The following PDE4C variants were observed in gnomAD, a reference collection of about 807,000 sequenced individuals.
PDE4C encodes 3',5'-cyclic-AMP phosphodiesterase 4C.
A neutral mutation model predicts 63.9 loss-of-function variants in PDE4C; 50 were observed. The ratio of observed to expected loss-of-function variants is 0.78; its 90% CI spans 0.62 to 0.99. PDE4C has a LOEUF of 0.99. Ranked by LOEUF, PDE4C falls within the 50% of genes least tolerant of loss-of-function variation. The pLI is 0.00. For synonymous variants in PDE4C, 377 were observed against 385.1 expected, an observed-to-expected ratio of 0.98 and a Z score of 0.25; for missense variants, 777 against 899.1, an observed-to-expected ratio of 0.86 and a Z score of 1.74.
At chr19:18,221,330 C>T in intron 2 of PDE4C, 33 bp from the exon 3 acceptor site, 1 of 1,535,544 alleles carries the variant, frequency 6.5e-7, no homozygotes, top group Non-Finnish European at 8.8e-7. Flanking sequence ...GGAGAGCTCT[C>T]TCCCATCTTC....
chr19:18,243,496 C>T (rs1568269022), intron 1 of PDE4C, among the ~76,000 whole-genome samples: 1 of 68,372 alleles, frequency 1.5e-5, no homozygotes, highest in African/African-American at 1.4e-4. Context: ...CCATTACTTG[C>T]ATGGGGAAAA....
chr19:18,220,832 C>T lies in PDE4C; in HGVS notation c.499+42G>A, dbSNP rs1381696147. 6.3e-7 allele frequency: 1 copy of T among 1,583,450 alleles called. No individual in the cohort carries two copies. Among genetic ancestry groups the T allele is most frequent in the Non-Finnish European group, 8.6e-7 (1 of 1,161,056 alleles). On this transcript the variant is annotated intron_variant, in intron 5 of 14. Transcript: ENST00000262805. This position sits in a 1 kb window ranked among gnomAD's most constrained non-coding sequence, Gnocchi z 5.1. Reference sequence around the variant, plus strand: ...GGAGGTCACTATGGAAAGGAAGCTCCCAGCTGTCCTCAGCGGGGGAGGGAA... The same window carrying T: ...GGAGGTCACTATGGAAAGGAAGCTCTCAGCTGTCCTCAGCGGGGGAGGGAA...
At chr19:18,212,008 AGACAGGCTTGGTGCCATG>A in intron 13 of PDE4C, 67 bp from the exon 14 acceptor site, 1 of 1,513,264 alleles carries the variant, frequency 6.6e-7, no homozygotes, top group Non-Finnish European at 9.1e-7. Context: ...GCACCTCCAC[AGACAGGCTTGGTGCCATG>A]GACACATTCA....
chr19:18,227,136 C>A (rs1968755813), upstream of PDE4C, among the ~76,000 whole-genome samples: 1 of 152,184 alleles, frequency 6.6e-6, no homozygotes, highest in African/African-American at 2.4e-5. Context: ...CGCAATGTTT[C>A]TAATCCTCCT....
chr19:18,248,684 G>C (rs1020262145), upstream of PDE4C, among the ~76,000 whole-genome samples: 7 of 152,206 alleles, frequency 4.6e-5, no homozygotes, highest in East Asian at 1.4e-3. Flanking sequence ...GGGGGCTCCA[G>C]GAAAGTTGCC....
At chr19:18,213,836 C>T (rs1028494719) in intron 12 of PDE4C, among the ~76,000 whole-genome samples, 10 of 152,150 alleles carry the variant, frequency 6.6e-5, no homozygotes, top group African/African-American at 2.4e-4. Context: ...GTGGGTGGGG[C>T]GGAAGGCATT....
At chr19:18,249,973 A>G, upstream of PDE4C, 1 of 396,440 alleles carries the variant, frequency 2.5e-6, no homozygotes, top group Non-Finnish European at 4.4e-6. Context: ...AGCCCAGCAC[A>G]TAGTAGGTGC....
At chr19:18,231,342 G>A (rs1035799042), upstream of PDE4C, among the ~76,000 whole-genome samples, 6 of 152,370 alleles carry the variant, frequency 3.9e-5, no homozygotes, top group Admixed American at 1.3e-4. Context: ...AGAGCCAAGC[G>A]GGGGCTTCCC....
At chr19:18,213,068 C>T (rs969482534) in intron 13 of PDE4C, among the ~76,000 whole-genome samples, 7 of 149,314 alleles carry the variant, frequency 4.7e-5, no homozygotes, top group African/African-American at 9.8e-5. Context: ...CCGAGGTGGG[C>T]GGATCTCAAT....
upstream of PDE4C, among the ~76,000 whole-genome samples, chr19:18,238,240 T>C (rs201421297): frequency 1.7e-4 from 23 of 132,472 alleles, no homozygotes; most frequent in African/African-American, 3.6e-4. Context: ...CTCTCTCTCT[T>C]TTTTTTTTTT....
chr19:18,241,395 T>A lies in PDE4C; in HGVS notation c.-210+6776A>T, dbSNP rs557907474. ...CATTCTCCGGCCTCAGCTTCCCAAG[T>A]AGCCGGGATTACAGGCACCCGCCAC... On this transcript the variant is annotated intron_variant, in intron 1 of 15. Transcript: ENST00000594617. 4.6e-5 allele frequency among the ~76,000 whole-genome samples: 7 copies of A among 150,916 alleles called. No homozygotes were observed. The South Asian group carries it at 1.5e-3, about 32-fold the overall frequency.
intron 2 of PDE4C, among the ~76,000 whole-genome samples, chr19:18,221,817 G>T (rs1968496486): frequency 6.6e-6 from 1 of 152,050 alleles, no homozygotes; most frequent in Non-Finnish European, 1.5e-5. Flanking sequence ...GTAGTGACAG[G>T]GTTTCACCAT....
At chr19:18,222,657 TTCTC>T (rs138832810) in intron 1 of PDE4C, among the ~76,000 whole-genome samples, 18,005 of 81,938 alleles carry the variant, frequency 0.22, 2,152 homozygotes, top group Non-Finnish European at 0.25. Context: ...TTCTCGTTCT[TTCTC>T]TCTCTCTCTC....
chr19:18,213,177 G>C (rs1465236626), intron 13 of PDE4C, among the ~76,000 whole-genome samples, 191 bp downstream of exon 13: 2 of 151,526 alleles, frequency 1.3e-5, no homozygotes, highest in Admixed American at 6.6e-5. Flanking sequence ...CCAGCTACTC[G>C]GGAGGCTGAG....
rs918864240 is a variant in PDE4C, at chr19:18,215,375, A to G, written c.1389+1366T>C. ...CCTAGTCAAGGGTTAGAATTTCATA[A>G]CGGCCGGAACTGTCTTTGCACAGAT... On this transcript the variant is annotated intron_variant, in intron 12 of 14. Coordinates refer to ENST00000262805, the Ensembl canonical transcript of PDE4C. Among the ~76,000 whole-genome samples, 6 of 152,122 alleles carry G rather than the reference A, an allele frequency of 3.9e-5. 1 individual carries two copies. The highest frequency in any genetic ancestry group is 3.3e-4 in the Admixed American group (5 of 15,260).
chr19:18,248,114 G>A (rs954354897), intron 1 of PDE4C: 30 of 454,176 alleles, frequency 6.6e-5, no homozygotes, highest in African/African-American at 3.8e-4. Context: ...CTCCTGAGAC[G>A]CCCCCAAGCT....
chr19:18,245,483 C>A (rs986671401), intron 1 of PDE4C, among the ~76,000 whole-genome samples: 5 of 152,108 alleles, frequency 3.3e-5, no homozygotes, highest in African/African-American at 1.2e-4. Flanking sequence ...GTTCCTTAAA[C>A]CTGCCTCGGG....
At chr19:18,229,726 G>A (rs1467456822), upstream of PDE4C, among the ~76,000 whole-genome samples, 1 of 152,044 alleles carries the variant, frequency 6.6e-6, no homozygotes, top group South Asian at 2.1e-4. Context: ...AGTCCCCACG[G>A]AGGAGTCAAG....
At chr19:18,228,855 A>G (rs1199179622), upstream of PDE4C, among the ~76,000 whole-genome samples, 1 of 152,214 alleles carries the variant, frequency 6.6e-6, no homozygotes, top group Non-Finnish European at 1.5e-5. Flanking sequence ...CCCTGACTCC[A>G]TCCCTGCATT....
Sources: gnomAD v4.1 joint callset for allele counts (sites outside exome capture counted in the v4.1 genomes callset) on GRCh38, gnomAD v4.1.1 for gene constraint, Gnocchi (gnomAD v3.1) non-coding constraint, MANE v1.5 for transcripts, NCBI Gene and HGNC (gene_info 2026-07-23, HGNC 2026-07-21) for gene names.